Variants in FARP1 observed in about 807,000 individuals in gnomAD.
FARP1 encodes FERM, ARHGEF and pleckstrin domain-containing protein 1.
FARP1 carries 52 observed loss-of-function variants against 128.8 expected under a neutral mutation model. The observed-to-expected ratio is 0.40, with a 90% CI of 0.32 to 0.51. The LOEUF (loss-of-function observed/expected upper bound fraction) is 0.51, where lower values mean the gene tolerates loss of function less well. FARP1 is among the 20% of genes least tolerant of loss of function. The pLI is 0.45. For missense variants in FARP1, 1,333 were observed against 1,367.9 expected (o/e 0.97, Z 0.40); for synonymous variants, 580 against 551.8 (o/e 1.05, Z -0.72).
At chr13:98,339,905 G>A (rs1298112576) in intron 2 of FARP1, among the ~76,000 whole-genome samples, 5 of 152,028 alleles carry the variant, frequency 3.3e-5, no homozygotes, top group Admixed American at 6.5e-5. Flanking sequence ...GTGCTGGGGC[G>A]GCAAGGCTGC....
chr13:98,344,840 C>T (rs879315724), intron 3 of FARP1, among the ~76,000 whole-genome samples: 7 of 152,150 alleles, frequency 4.6e-5, no homozygotes, highest in Admixed American at 1.3e-4. Flanking sequence ...CTGTCGTTTT[C>T]TAGTTTGTAC....
At chr13:98,443,443 C>T (rs1267983339) in intron 24 of FARP1, among the ~76,000 whole-genome samples, 1 of 152,236 alleles carries the variant, frequency 6.6e-6, no homozygotes, top group Non-Finnish European at 1.5e-5. Context: ...CAAATGCTCG[C>T]TGACTCGCAG....
At chr13:98,343,999 C>T (rs1888077809) in intron 3 of FARP1, 133 bp downstream of exon 3, 2 of 683,284 alleles carry the variant, frequency 2.9e-6, no homozygotes, top group East Asian at 5.4e-5. Context: ...GTCTTCAAAT[C>T]TGGTGTGTAT....
chr13:98,453,798 G>GT lies in FARP1; in HGVS notation c.*5482dup, dbSNP rs1163170526. On this transcript the variant is annotated 3_prime_UTR_variant, in exon 27 of 27. Coordinates refer to ENST00000319562, the MANE Select transcript of FARP1 (RefSeq NM_005766.4). ...AAACTGAAATAACAGACTAAAAATG[G>GT]TAATTATCTGTATTTACATATATAT... 6.9e-6 allele frequency: 1 copy of GT among 145,650 alleles called. No individual in the cohort carries two copies. Among genetic ancestry groups the GT allele is most frequent in the Non-Finnish European group, 1.5e-5 (1 of 64,768 alleles). The allele number at this position is 145,650 out of a possible 1,614,324, so 9.0% of individuals were successfully genotyped here.
At chr13:98,271,117 A>C (rs766053774) in intron 2 of FARP1, among the ~76,000 whole-genome samples, 13 of 152,240 alleles carry the variant, frequency 8.5e-5, no homozygotes, top group Non-Finnish European at 1.6e-4. Context: ...ACTTAGGATT[A>C]TTCAAGGAAA....
At chr13:98,397,218 A>G (rs1353576857) in intron 13 of FARP1, 2 of 152,238 alleles carry the variant, frequency 1.3e-5, no homozygotes, top group African/African-American at 2.4e-5. Flanking sequence ...AAGAAGTACA[A>G]TTCTGCCTCT....
rs202139516 is a variant in FARP1 at position 98,153,569 on chromosome 13, A to AT, written c.-24+10078dup. On this transcript the variant is annotated intron_variant, in intron 1 of 26. Coordinates refer to ENST00000319562, the MANE Select transcript of FARP1 (RefSeq NM_005766.4). Reference sequence around the variant, plus strand: ...GTATAAATATATATTTATATATATTATATATATATTTCGAGATAGACTCTT... The same window carrying AT: ...GTATAAATATATATTTATATATATTATTATATATATTTCGAGATAGACTCTT... 9.8e-4 allele frequency among the ~76,000 whole-genome samples: 25 copies of AT among 25,566 alleles called. No homozygotes were observed. The South Asian group carries it at 0.013, about 13-fold the overall frequency. The allele number at this position is 25,566 out of a possible 152,430, so 16.8% of individuals were successfully genotyped here. A position where few individuals can be genotyped will look rare whatever the true frequency, so the allele number is the denominator to read the frequency against.
At chr13:98,357,518 G>A (rs1888689732) in intron 3 of FARP1, among the ~76,000 whole-genome samples, 2 of 152,184 alleles carry the variant, frequency 1.3e-5, no homozygotes, top group African/African-American at 4.8e-5. Flanking sequence ...CGGGAATGCT[G>A]ATCTGCTGTT....
upstream of FARP1, chr13:98,142,841 G>A (rs1290924895): frequency 1.3e-5 from 2 of 152,136 alleles, no homozygotes; most frequent in Non-Finnish European, 2.9e-5. Context: ...CGCTGCATTA[G>A]GTAGCGCCGC....
intron 2 of FARP1, among the ~76,000 whole-genome samples, chr13:98,326,067 A>G (rs1369525991): frequency 3.3e-5 from 5 of 152,252 alleles, no homozygotes; most frequent in Non-Finnish European, 7.3e-5. Flanking sequence ...CTGCTTTGAA[A>G]AATGAATGAA....
intron 24 of FARP1, among the ~76,000 whole-genome samples, chr13:98,443,861 G>GGACAGTGAGGCAGGGGAGGGAAAGGACA (rs140460293): frequency 6.7e-6 from 1 of 150,122 alleles, no homozygotes; most frequent in African/African-American, 2.5e-5. Context: ...GGGAAGGGAC[G>GGACAGTGAGGCAGGGGAGGGAAAGGACA]GGGTGCAGAC....
intron 2 of FARP1, among the ~76,000 whole-genome samples, chr13:98,228,314 C>A (rs1343715686): frequency 6.6e-6 from 1 of 152,098 alleles, no homozygotes; most frequent in African/African-American, 2.4e-5. Flanking sequence ...GAGCCAAGAT[C>A]GTGCCATTGC....
In FARP1 at chr13:98,368,215, T is replaced by C. The variant is rs201046135; in HGVS notation, c.398+20T>C. Reference sequence around the variant, plus strand: ...CACAAGGTTAGTGGTTTGGAAACTGTGTATTTTTTGCTACAGAGTACAGAG... The same window carrying C: ...CACAAGGTTAGTGGTTTGGAAACTGCGTATTTTTTGCTACAGAGTACAGAG... On this transcript the variant is annotated intron_variant, in intron 5 of 26. Transcript: ENST00000319562. 7 of 1,583,570 alleles carry C rather than the reference T, an allele frequency of 4.4e-6. No individual in the cohort carries two copies. In the East Asian group the frequency reaches 6.7e-5, roughly 15 times the overall value.
intron 13 of FARP1, among the ~76,000 whole-genome samples, chr13:98,407,964 G>A (rs1263017427): frequency 6.6e-6 from 1 of 152,156 alleles, no homozygotes; most frequent in Non-Finnish European, 1.5e-5. Flanking sequence ...GAAAATGGGG[G>A]TGCTCCTAGA....
rs780806125 is a variant in FARP1 at position 98,431,030 on chromosome 13, G to T, written c.1906-13G>T. The T allele has an allele frequency of 2.5e-6, 4 of 1,595,766 alleles. No homozygotes were observed. Among genetic ancestry groups the T allele is most frequent in the South Asian group, 2.2e-5 (2 of 90,078 alleles). On this transcript the variant is annotated splice_polypyrimidine_tract_variant and intron_variant, in intron 17 of 26. Transcript: ENST00000319562. ...CAGCTGAACAGGACCCTCCTCCTCT[G>T]TTGCCTCCCAAGCACCTGGCGGCTC...
chr13:98,421,805 A>G (rs1382599028), intron 16 of FARP1, among the ~76,000 whole-genome samples: 10 of 152,274 alleles, frequency 6.6e-5, no homozygotes, highest in South Asian at 4.1e-4. Context: ...GTGAGCTATG[A>G]TGATACCACC....
intron 6 of FARP1, 100 bp downstream of exon 6, chr13:98,378,018 G>T: frequency 1.1e-6 from 1 of 906,414 alleles, no homozygotes. Context: ...AAGTGTCAAT[G>T]TTTTTGTGTT....
Position 98,176,609 on chromosome 13 carries a change from T to A in FARP1, c.-24+33117T>A, listed in dbSNP as rs1298424664. ...GAACGGTCGTGGAGGAATTTGCAGC[T>A]GTCCCCGAAGCCACAGAAGCCAGTC... On this transcript the variant is annotated intron_variant, in intron 1 of 26. Coordinates refer to ENST00000319562, the MANE Select transcript of FARP1 (RefSeq NM_005766.4). This position sits in a 1 kb window ranked among gnomAD's most constrained non-coding sequence, Gnocchi z 6.2. The A allele has an allele frequency of 6.2e-7, 1 of 1,614,234 alleles. No homozygotes were observed. Among genetic ancestry groups the A allele is most frequent in the Admixed American group, 1.7e-5 (1 of 60,024 alleles).
intron 2 of FARP1, among the ~76,000 whole-genome samples, chr13:98,312,054 C>G (rs1352178192): frequency 2.0e-5 from 3 of 149,160 alleles, no homozygotes; most frequent in Non-Finnish European, 4.4e-5. Flanking sequence ...ACCATGTTGG[C>G]CAGGCTGGTC....
Sources: gnomAD v4.1 joint callset for allele counts (sites outside exome capture counted in the v4.1 genomes callset) on GRCh38, gnomAD v4.1.1 for gene constraint, Gnocchi (gnomAD v3.1) non-coding constraint, MANE v1.5 for transcripts, NCBI Gene and HGNC (gene_info 2026-07-23, HGNC 2026-07-21) for gene names.